SLC5A8: variants seen among roughly 807,000 people sequenced by gnomAD.
SLC5A8 encodes the protein solute carrier family 5 member 8.
A neutral mutation model predicts 71.9 loss-of-function variants in SLC5A8; 55 were observed. The ratio of observed to expected loss-of-function variants is 0.77; its 90% CI spans 0.62 to 0.96. SLC5A8 has a LOEUF of 0.96. Among genes scored for constraint, SLC5A8 ranks in the 40% least tolerant of loss-of-function variants. The pLI, the probability that SLC5A8 is intolerant of heterozygous loss-of-function variation, is 0.00. For missense variants in SLC5A8, 701 were observed against 745.3 expected (o/e 0.94, Z 0.69); for synonymous variants, 307 against 276.1 (o/e 1.11, Z -1.11).
In SLC5A8 at chr12:101,209,911, C is replaced by A; in HGVS notation, c.-63G>T. The A allele has an allele frequency of 1.4e-6, 2 of 1,397,748 alleles. No individual in the cohort carries two copies. The highest frequency in any genetic ancestry group is 1.9e-6 in the Non-Finnish European group (2 of 1,058,252). 86.6% of individuals were successfully genotyped at this position (1,397,748 alleles called of 1,614,324 possible). On this transcript the variant is annotated 5_prime_UTR_variant, in exon 1 of 15. Transcript: ENST00000536262. ...GGCCCCGCGGCGCGCAGCCGGAGCC[C>A]GGCGCGCACTTCTTATCCCGGATCC...
At chr12:101,202,776 C>T (rs561766220) in intron 2 of SLC5A8, among the ~76,000 whole-genome samples, 1 of 152,208 alleles carries the variant, frequency 6.6e-6, no homozygotes, top group Admixed American at 6.5e-5. Context: ...CATTCATACA[C>T]TTAACTATTT....
At chr12:101,194,904 T>C (rs1257334243) in intron 4 of SLC5A8, among the ~76,000 whole-genome samples, 191 bp downstream of exon 4, 1 of 152,196 alleles carries the variant, frequency 6.6e-6, no homozygotes. Context: ...AAAATTTCAG[T>C]TATGCTCCAT....
intron 5 of SLC5A8, among the ~76,000 whole-genome samples, chr12:101,191,982 C>G (rs1674154112): frequency 6.6e-6 from 1 of 152,108 alleles, no homozygotes; most frequent in Non-Finnish European, 1.5e-5. Context: ...TGATTGGTTC[C>G]ATACCCTCTC....
intron 1 of SLC5A8, among the ~76,000 whole-genome samples, chr12:101,208,300 G>A (rs569072992): frequency 3.3e-5 from 5 of 152,284 alleles, no homozygotes; most frequent in Admixed American, 3.3e-4. Flanking sequence ...CCCAGGCAGA[G>A]TGTGTCACCA....
Position 101,156,985 on chromosome 12 carries a change from G to T in SLC5A8, c.*294C>A, listed in dbSNP as rs7309172. ...ATACCTTTGACAATCAAATACATGTGCATATGTGTGTATTAGCCTTTCAGC... is the reference window on the plus strand; with the variant it reads ...ATACCTTTGACAATCAAATACATGTTCATATGTGTGTATTAGCCTTTCAGC... On this transcript the variant is annotated 3_prime_UTR_variant, in exon 15 of 15. Transcript: ENST00000536262. The T allele has an allele frequency of 0.19, 55,623 of 292,548 alleles. 6,303 individuals carry two copies. The highest frequency in any genetic ancestry group is 0.35 in the African/African-American group (16,319 of 46,344). 18.1% of individuals were successfully genotyped at this position (292,548 alleles called of 1,614,324 possible). A position where few individuals can be genotyped will look rare whatever the true frequency, so the allele number is the denominator to read the frequency against.
chr12:101,193,813 C>G, intron 4 of SLC5A8, 34 bp from the exon 5 acceptor site: 1 of 1,602,388 alleles, frequency 6.2e-7, no homozygotes, highest in Non-Finnish European at 8.5e-7. Context: ...ATTAATGCTT[C>G]TATTAGACAT....
intron 2 of SLC5A8, among the ~76,000 whole-genome samples, chr12:101,204,250 G>A (rs563628701): frequency 1.3e-5 from 2 of 152,314 alleles, no homozygotes; most frequent in South Asian, 2.1e-4. Flanking sequence ...CATATTTTCC[G>A]ACTGTTGCTT....
chr12:101,159,371 A>G (rs2051704634), intron 13 of SLC5A8, among the ~76,000 whole-genome samples: 1 of 152,206 alleles, frequency 6.6e-6, no homozygotes, highest in Admixed American at 6.5e-5. Flanking sequence ...CTCTGTGCCC[A>G]CAGTTTGTGA....
intron 10 of SLC5A8, among the ~76,000 whole-genome samples, chr12:101,178,604 A>G (rs1005817792): frequency 6.6e-6 from 1 of 152,196 alleles, no homozygotes; most frequent in African/African-American, 2.4e-5. Context: ...TTGCACATCC[A>G]TAGAGGAAAA....
chr12:101,193,814 TA>T (rs1869038778), intron 4 of SLC5A8, 35 bp from the exon 5 acceptor site: 1 of 1,599,278 alleles, frequency 6.3e-7, no homozygotes. Context: ...TTAATGCTTC[TA>T]TTAGACATTA....
In SLC5A8 at chr12:101,196,563, ACTC is replaced by A. The variant is rs758383271; in HGVS notation, c.470-1404_470-1402del. Among the ~76,000 whole-genome samples, 227 of 152,172 alleles carry A rather than the reference ACTC, an allele frequency of 1.5e-3. 3 individuals carry two copies. Among genetic ancestry groups the A allele is most frequent in the East Asian group, 2.7e-3 (14 of 5,184 alleles). On this transcript the variant is annotated intron_variant, in intron 3 of 14. Coordinates refer to ENST00000536262, the MANE Select transcript of SLC5A8 (RefSeq NM_145913.5). ...ATATAAAGTTAAATTAGAAAAAAAA[ACTC>A]CTCAAAATCAATTGCAAAATGAAAT...
intron 1 of SLC5A8, among the ~76,000 whole-genome samples, chr12:101,206,049 T>C (rs896863592): frequency 6.6e-6 from 1 of 152,192 alleles, no homozygotes; most frequent in African/African-American, 2.4e-5. Context: ...TCTTTCTCTT[T>C]AAAATGAGGG....
At chr12:101,168,240 C>A (rs1349863397) in intron 10 of SLC5A8, 58 bp from the exon 11 acceptor site, 5 of 1,479,630 alleles carry the variant, frequency 3.4e-6, no homozygotes, top group Non-Finnish European at 3.7e-6. Context: ...TCAAATATTT[C>A]AAAGTCATTT....
In SLC5A8 at chr12:101,166,583, G is replaced by A. The variant is rs2051772850; in HGVS notation, c.1437C>T (p.Gly479=). Reference sequence around the variant, plus strand: ...TTGTCTCATTGTAGGTGCTGTTACAGCCTTGGATATCAAGGTGCAATGGCA... The same window carrying A: ...TTGTCTCATTGTAGGTGCTGTTACAACCTTGGATATCAAGGTGCAATGGCA... ...RTLPLHLDIQ[G]CNSTYNETNL... Residue 479 remains glycine (G), a synonymous_variant, in exon 12 of 15, where the codon GGC becomes GGT. Coordinates refer to ENST00000536262, the MANE Select transcript of SLC5A8 (RefSeq NM_145913.5). The A allele has an allele frequency of 9.3e-6, 15 of 1,613,912 alleles. No individual in the cohort carries two copies. The East Asian group carries it at 3.1e-4, about 34-fold the overall frequency.
chr12:101,200,227 A>G (rs1869399674), intron 3 of SLC5A8, among the ~76,000 whole-genome samples: 1 of 151,868 alleles, frequency 6.6e-6, no homozygotes, highest in South Asian at 2.1e-4. Flanking sequence ...TTGGGCCCAT[A>G]GGAGATTTGT....
rs11834933 is a variant in SLC5A8, at chr12:101,190,550, A to C, written c.751T>G (p.Phe251Val). The change falls in exon 6 of 15, where the codon TTC becomes GTC. Residue 251 changes from phenylalanine to valine, a missense_variant. Coordinates refer to ENST00000536262, the MANE Select transcript of SLC5A8 (RefSeq NM_145913.5). ...ACACCGTAGATGCTGGTCCATGTGA[A>C]GGTCCCTCCTATAATAATTGTCCAG... ...TFWTIIIGGT[F>V]TWTSIYGVNQ... 1.3e-3 allele frequency: 2,130 copies of C among 1,613,294 alleles called. 28 individuals are homozygous for C. The African/African-American group carries it at 0.023, about 18-fold the overall frequency.
At chr12:101,175,459 G>A (rs2051870861) in intron 10 of SLC5A8, among the ~76,000 whole-genome samples, 1 of 152,022 alleles carries the variant, frequency 6.6e-6, no homozygotes, top group African/African-American at 2.4e-5. Context: ...TCAGACTTAT[G>A]AAAGAAGCTG....
rs138290634 is a variant in SLC5A8, at chr12:101,171,873, T to C, written c.1234-3691A>G. The stretch of plus-strand genomic sequence containing the variant: ...ATGTGGAAAGTCAGGCCACCCGGAG[T>C]AGCAGCAAAAGAACACGGGCACACT... On this transcript the variant is annotated intron_variant, in intron 10 of 14. Transcript: ENST00000536262. Among the ~76,000 whole-genome samples the C allele has an allele frequency of 1.7e-3, 261 of 151,906 alleles. 2 individuals carry two copies. The highest frequency in any genetic ancestry group is 3.4e-3 in the Middle Eastern group (1 of 294).
At chr12:101,171,124 C>A (rs1235462035) in intron 10 of SLC5A8, among the ~76,000 whole-genome samples, 1 of 152,124 alleles carries the variant, frequency 6.6e-6, no homozygotes, top group African/African-American at 2.4e-5. Flanking sequence ...GGGGATCCTT[C>A]CTCCTTTCTT....
Sources: allele counts gnomAD v4.1 joint callset (sites outside exome capture counted in the v4.1 genomes callset), GRCh38; gene constraint gnomAD v4.1.1; transcripts MANE v1.5; gene names NCBI Gene and HGNC (gene_info 2026-07-23, HGNC 2026-07-21).